Variants in STX16 observed in about 807,000 individuals in gnomAD.
STX16 encodes syntaxin-16.
In STX16, 28 loss-of-function variants were observed where a neutral mutation model predicts 42.7. That is an observed-to-expected ratio of 0.66 (90% CI 0.49 to 0.90). The LOEUF (loss-of-function observed/expected upper bound fraction) is 0.90. STX16 is among the 40% of genes least tolerant of loss of function. STX16 has a pLI of 0.00. For synonymous variants in STX16, 156 were observed against 155.2 expected (o/e 1.00, Z -0.04); for missense variants, 361 against 420.9 (o/e 0.86, Z 1.24).
chr20:58,653,164 T>TAGCC (rs1289906940), intron 1 of STX16, among the ~76,000 whole-genome samples: 1 of 152,206 alleles, frequency 6.6e-6, no homozygotes, highest in African/African-American at 2.4e-5. Context: ...AGGCGGGAAA[T>TAGCC]AGCCATCCCA....
intron 5 of STX16, 40 bp downstream of exon 5, chr20:58,669,493 G>A: frequency 6.4e-7 from 1 of 1,569,134 alleles, no homozygotes; most frequent in Non-Finnish European, 8.6e-7. Flanking sequence ...TTTTGAGTAA[G>A]AAAAGCACTT....
intron 1 of STX16, among the ~76,000 whole-genome samples, chr20:58,656,042 ACTGAGAATTGAAT>A: frequency 6.6e-6 from 1 of 152,346 alleles, no homozygotes; most frequent in South Asian, 2.1e-4. Flanking sequence ...AGGAAAGAGC[ACTGAGAATTGAAT>A]CTGAGAATTG....
chr20:58,652,756 C>A (rs554163661), intron 1 of STX16, among the ~76,000 whole-genome samples: 9 of 152,244 alleles, frequency 5.9e-5, no homozygotes, highest in South Asian at 2.1e-4. Flanking sequence ...AGGTGCTAGC[C>A]TCTTCACTTT....
chr20:58,669,482 AT>A, intron 5 of STX16, 29 bp downstream of exon 5: 1 of 1,578,666 alleles, frequency 6.3e-7, no homozygotes, highest in Non-Finnish European at 8.5e-7. Context: ...TAGTGAAGGG[AT>A]TTTGAGTAAG....
At position 58,676,453 on chromosome 20, in the gene STX16, C is replaced by T; in HGVS notation, c.*162C>T. The T allele has an allele frequency of 1.6e-6, 1 of 625,394 alleles. No homozygotes were observed. Among genetic ancestry groups the T allele is most frequent in the Admixed American group, 3.0e-5 (1 of 33,390 alleles). 38.7% of individuals were successfully genotyped at this position (625,394 alleles called of 1,614,324 possible). On this transcript the variant is annotated 3_prime_UTR_variant, in exon 9 of 9. Transcript: ENST00000371141. ...ACGGACTCCTCCTTCCCTAGTCCTG[C>T]TCAAGCGGTCCGGGGAATGGGTTTT...
intron 2 of STX16, among the ~76,000 whole-genome samples, chr20:58,665,683 G>A (rs1373362280): frequency 6.6e-6 from 1 of 152,126 alleles, no homozygotes; most frequent in African/African-American, 2.4e-5. Context: ...TCACGGCCCG[G>A]GAGCCCCAGA....
At position 58,677,303 on chromosome 20, in the gene STX16, A is replaced by G. The variant is rs562510245; in HGVS notation, c.*1012A>G. 1 of 152,624 alleles carries G rather than the reference A, an allele frequency of 6.6e-6. No homozygotes were observed. Among genetic ancestry groups the G allele is most frequent in the Non-Finnish European group, 1.5e-5 (1 of 68,040 alleles). 9.5% of individuals were successfully genotyped at this position (152,624 alleles called of 1,614,324 possible). Reference sequence around the variant, plus strand: ...TTAGTGGATCTCAAATTATTAACCAAACATCACTCCATTTCAAAGTAAAAT... The same window carrying G: ...TTAGTGGATCTCAAATTATTAACCAGACATCACTCCATTTCAAAGTAAAAT... On this transcript the variant is annotated 3_prime_UTR_variant, in exon 9 of 9. Transcript: ENST00000371141.
chr20:58,667,790 C>T (rs1374045666), intron 3 of STX16, among the ~76,000 whole-genome samples, 193 bp downstream of exon 3: 3 of 152,032 alleles, frequency 2.0e-5, no homozygotes, highest in Non-Finnish European at 4.4e-5. Flanking sequence ...TAGTAACTAC[C>T]TGAATTATAG....
chr20:58,671,437 GGTGTGTGT>G (rs540390363), intron 7 of STX16, 140 bp downstream of exon 7: 64 of 224,550 alleles, frequency 2.9e-4, no homozygotes, highest in East Asian at 7.0e-4. Context: ...TGTGTGTGTG[GGTGTGTGT>G]GTGTGTGTGT....
chr20:58,671,957 A>G (rs149031502), intron 7 of STX16, among the ~76,000 whole-genome samples: 240 of 152,308 alleles, frequency 1.6e-3, no homozygotes, highest in African/African-American at 5.6e-3. Flanking sequence ...GAGTGTTAAC[A>G]TGATGCCACA....
intron 2 of STX16, among the ~76,000 whole-genome samples, chr20:58,663,760 T>G (rs1477373566): frequency 6.6e-6 from 1 of 152,186 alleles, no homozygotes; most frequent in Admixed American, 6.5e-5. Flanking sequence ...TCACTGCAAC[T>G]TCTGCCTTCC....
chr20:58,670,629 T>C (rs2083945676), intron 6 of STX16, 26 bp downstream of exon 6: 4 of 1,590,766 alleles, frequency 2.5e-6, no homozygotes, highest in Middle Eastern at 1.7e-4. Flanking sequence ...GCAAAGCTGA[T>C]TGCTGTGTCT....
At chr20:58,652,609 G>C (rs1169936654) in intron 1 of STX16, among the ~76,000 whole-genome samples, 1 of 152,052 alleles carries the variant, frequency 6.6e-6, no homozygotes, top group Non-Finnish European at 1.5e-5. Flanking sequence ...AAAGAGGAGG[G>C]AGTTGTGTTG....
intron 2 of STX16, among the ~76,000 whole-genome samples, chr20:58,665,755 T>A (rs541687004): frequency 6.6e-6 from 1 of 152,308 alleles, no homozygotes; most frequent in South Asian, 2.1e-4. Flanking sequence ...GCAGCATCCG[T>A]GCCACGCTTG....
intron 8 of STX16, among the ~76,000 whole-genome samples, chr20:58,675,040 T>C (rs1349331668): frequency 6.6e-6 from 1 of 152,194 alleles, no homozygotes. Context: ...GGGTTACTTA[T>C]TAGAAAAGTC....
At chr20:58,662,694 T>C (rs549604204) in intron 2 of STX16, among the ~76,000 whole-genome samples, 2 of 152,130 alleles carry the variant, frequency 1.3e-5, no homozygotes, top group South Asian at 2.1e-4. Flanking sequence ...TATTTATTTA[T>C]TTTTGTATTT....
chr20:58,664,145 A>C (rs1261101100), intron 2 of STX16, among the ~76,000 whole-genome samples: 1 of 152,248 alleles, frequency 6.6e-6, no homozygotes, highest in African/African-American at 2.4e-5. Context: ...ACATGTTTTT[A>C]AATGGAAAGT....
At chr20:58,665,639 A>G (rs1212476799) in intron 2 of STX16, among the ~76,000 whole-genome samples, 1 of 152,244 alleles carries the variant, frequency 6.6e-6, no homozygotes, top group Non-Finnish European at 1.5e-5. Flanking sequence ...TCTTGAAACC[A>G]AACAGAAGGT....
chr20:58,672,292 A>G (rs886595689), intron 7 of STX16, among the ~76,000 whole-genome samples: 2 of 152,110 alleles, frequency 1.3e-5, no homozygotes, highest in African/African-American at 4.8e-5. Flanking sequence ...AGATTGCACC[A>G]TTGCACTCCA....
Sources: allele counts gnomAD v4.1 joint callset (sites outside exome capture counted in the v4.1 genomes callset), GRCh38; gene constraint gnomAD v4.1.1; transcripts MANE v1.5; gene names NCBI Gene and HGNC (gene_info 2026-07-23, HGNC 2026-07-21).